TTC13: variants seen among roughly 807,000 people sequenced by gnomAD.
The protein encoded by TTC13 is tetratricopeptide repeat domain 13, also known as tetratricopeptide repeat protein 13.
TTC13 carries 62 observed loss-of-function variants against 120.0 expected under a neutral mutation model. The ratio of observed to expected loss-of-function variants is 0.52; its 90% CI spans 0.42 to 0.64. The LOEUF (loss-of-function observed/expected upper bound fraction) is 0.64. Among genes scored for constraint, TTC13 ranks in the 30% least tolerant of loss-of-function variants. The probability of loss-of-function intolerance (pLI) is 0.00; values close to 1 mark genes in which losing one functional copy is unlikely to be tolerated. For synonymous variants in TTC13, 384 were observed against 393.5 expected (o/e 0.98, Z 0.28); for missense variants, 824 against 1,050.2 (o/e 0.78, Z 2.98).
Position 230,907,036 on chromosome 1 carries a change from C to A in TTC13, c.2469-17G>T. On this transcript the variant is annotated splice_polypyrimidine_tract_variant and intron_variant, in intron 22 of 22. Coordinates refer to ENST00000366661, the MANE Select transcript of TTC13 (RefSeq NM_024525.5). The stretch of plus-strand genomic sequence containing the variant: ...GGTGAAATACTGAAAAAGAAAAACA[C>A]AAAGTAGCGGCATGAAAATTAACAA... 1 of 1,335,800 alleles carries A rather than the reference C, an allele frequency of 7.5e-7. No individual in the cohort carries two copies. Among genetic ancestry groups the A allele is most frequent in the Non-Finnish European group, 1.0e-6 (1 of 988,036 alleles). 82.7% of individuals were successfully genotyped at this position (1,335,800 alleles called of 1,614,324 possible).
intron 17 of TTC13, among the ~76,000 whole-genome samples, chr1:230,918,640 A>G (rs1373017934): frequency 6.6e-6 from 1 of 152,328 alleles, no homozygotes; most frequent in East Asian, 1.9e-4. Context: ...GTGTTAGTGC[A>G]TCAGACCCTC....
At chr1:230,933,990 AAG>A in intron 8 of TTC13, 129 bp from the exon 9 acceptor site, 2 of 512,252 alleles carry the variant, frequency 3.9e-6, no homozygotes, top group Non-Finnish European at 6.7e-6. Context: ...ACTTTTAAAA[AAG>A]AGAGGCAGAA....
chr1:230,939,660 C>G (rs1674374857), intron 7 of TTC13, among the ~76,000 whole-genome samples, 164 bp from the exon 8 acceptor site: 2 of 152,150 alleles, frequency 1.3e-5, no homozygotes, highest in Admixed American at 6.5e-5. Flanking sequence ...AGTGCTTATA[C>G]TACTCATTCA....
chr1:230,917,345 G>A (rs1672129837), intron 17 of TTC13, among the ~76,000 whole-genome samples: 1 of 152,180 alleles, frequency 6.6e-6, no homozygotes, highest in Non-Finnish European at 1.5e-5. Context: ...AGCCAGCAGG[G>A]AAGCCGCAGA....
chr1:230,961,136 G>T, intron 2 of TTC13, 73 bp downstream of exon 2: 2 of 1,192,296 alleles, frequency 1.7e-6, no homozygotes, highest in South Asian at 2.6e-5. Flanking sequence ...TGACAGAGGC[G>T]ACTTCCACTT....
At chr1:230,956,442 C>T in intron 3 of TTC13, 1 of 227,708 alleles carries the variant, frequency 4.4e-6, no homozygotes, top group Non-Finnish European at 9.0e-6. Flanking sequence ...TCGTGGGGAC[C>T]TCAGTCACTT....
intron 1 of TTC13, among the ~76,000 whole-genome samples, chr1:230,972,844 A>C (rs1416402483): frequency 6.6e-6 from 1 of 152,256 alleles, no homozygotes; most frequent in East Asian, 1.9e-4. Context: ...GGCTTATGCT[A>C]TAAAATGCTA....
rs945509727 is a variant in TTC13 at position 230,906,319 on chromosome 1, C to G, written c.*586G>C. The G allele has an allele frequency of 1.3e-5, 2 of 151,978 alleles. No homozygotes were observed. Among genetic ancestry groups the G allele is most frequent in the Non-Finnish European group, 2.9e-5 (2 of 67,982 alleles). The allele number at this position is 151,978 out of a possible 1,614,324, so 9.4% of individuals were successfully genotyped here. A position where few individuals can be genotyped will look rare whatever the true frequency, so the allele number is the denominator to read the frequency against. ...CAACAAAGGAAAAAAAAACATGGTTCAATAATTCAGCATTTGGGACTCTGG... is the reference window on the plus strand; with the variant it reads ...CAACAAAGGAAAAAAAAACATGGTTGAATAATTCAGCATTTGGGACTCTGG... On this transcript the variant is annotated 3_prime_UTR_variant, in exon 23 of 23. Coordinates refer to ENST00000366661, the MANE Select transcript of TTC13 (RefSeq NM_024525.5).
intron 13 of TTC13, 89 bp downstream of exon 13, chr1:230,925,428 A>G: frequency 7.1e-7 from 1 of 1,415,584 alleles, no homozygotes; most frequent in Non-Finnish European, 9.8e-7. Context: ...AGCACAATAA[A>G]TACTAATTTA....
rs1674438386 is a variant in TTC13, at chr1:230,940,523, C to T, written c.706G>A (p.Val236Met). The part of the protein sequence containing the change: ...LSPLGRINEA[V>M]NDLTKAIQLQ... ...TGGATAGCTTTAGTGAGGTCATTCA[C>T]TGCTTCATTAATTCGTCCCAGAGGG... The change falls in exon 7 of 23, where the codon GTG becomes ATG. Residue 236 changes from valine (V) to methionine (M), a missense_variant. By Grantham distance (21) the Val-to-Met change is conservative. This residue lies in a region of TTC13 where 430 missense variants were observed against 626.8 expected (regional missense o/e 0.69). Coordinates refer to ENST00000366661, the MANE Select transcript of TTC13 (RefSeq NM_024525.5). This position sits in a 1 kb window ranked among gnomAD's most constrained non-coding sequence, Gnocchi z 4.1. The T allele has an allele frequency of 6.2e-7, 1 of 1,613,408 alleles. No homozygotes were observed. Among genetic ancestry groups the T allele is most frequent in the Non-Finnish European group, 8.5e-7 (1 of 1,179,726 alleles).
chr1:230,955,216 C>T (rs1193084507), intron 3 of TTC13, among the ~76,000 whole-genome samples: 1 of 152,182 alleles, frequency 6.6e-6, no homozygotes, highest in Non-Finnish European at 1.5e-5. Context: ...TTTTATTCCT[C>T]ACTCAACATC....
At position 230,928,979 on chromosome 1, in the gene TTC13, A is replaced by G. The variant is rs766908175; in HGVS notation, c.1415T>C (p.Ile472Thr). ...DHWAKNLPFL[I>T]EDYEEQPGLQ... ...CCCTGGCTGCTCTTCGTAGTCTTCT[A>G]TGAGGAAAGGCAAATTTTTAGCCCA... is the stretch of plus-strand genomic sequence containing the variant. Residue 472 changes from isoleucine (I) to threonine (T), a missense_variant, in exon 12 of 23, where the codon ATA (isoleucine) becomes ACA (threonine). Ile to Thr is a moderately conservative substitution (Grantham distance 89). This residue lies in a region of TTC13 where 430 missense variants were observed against 626.8 expected (regional missense o/e 0.69). Transcript: ENST00000366661. The G allele has an allele frequency of 6.2e-7, 1 of 1,614,162 alleles. No individual in the cohort carries two copies. The highest frequency in any genetic ancestry group is 2.2e-5 in the East Asian group (1 of 44,870).
chr1:230,965,062 T>TCTGGGCAAAGATCTCTTGAGTAACA (rs1438680562), intron 1 of TTC13, among the ~76,000 whole-genome samples: 2 of 152,202 alleles, frequency 1.3e-5, no homozygotes, highest in Non-Finnish European at 2.9e-5. Context: ...ATGATATTCA[T>TCTGGGCAAAGATCTCTTGAGTAACA]CTGGGCAAAG....
At chr1:230,913,969 G>C (rs1671763584) in intron 18 of TTC13, among the ~76,000 whole-genome samples, 1 of 152,188 alleles carries the variant, frequency 6.6e-6, no homozygotes, top group South Asian at 2.1e-4. Context: ...GCAATGGCTG[G>C]GTATGGAGAG....
chr1:230,944,846 A>G lies in TTC13; in HGVS notation c.579+543T>C, dbSNP rs1348869536. 6.6e-6 allele frequency among the ~76,000 whole-genome samples: 1 copy of G among 152,170 alleles called. No homozygotes were observed. Among genetic ancestry groups the G allele is most frequent in the Non-Finnish European group, 1.5e-5 (1 of 68,036 alleles). The stretch of plus-strand genomic sequence containing the variant: ...AACTTACACCATTTCGTGATTTACT[A>G]TATAATTTCAGGAGTCTTCATTTTT... On this transcript the variant is annotated intron_variant, in intron 5 of 22. Coordinates refer to ENST00000366661, the MANE Select transcript of TTC13 (RefSeq NM_024525.5). This position sits in a 1 kb window ranked among gnomAD's most constrained non-coding sequence, Gnocchi z 4.0.
intron 1 of TTC13, among the ~76,000 whole-genome samples, chr1:230,971,935 C>A (rs1253386281): frequency 6.6e-6 from 1 of 152,132 alleles, no homozygotes; most frequent in African/African-American, 2.4e-5. Flanking sequence ...TCTCATAAGC[C>A]CACACATACT....
At chr1:230,947,608 T>C (rs1187977054) in intron 4 of TTC13, among the ~76,000 whole-genome samples, 1 of 152,048 alleles carries the variant, frequency 6.6e-6, no homozygotes, top group African/African-American at 2.4e-5. Flanking sequence ...TACAAAGCTG[T>C]GTTGAGCCAC....
chr1:230,906,717 C>T lies in TTC13; in HGVS notation c.*188G>A, dbSNP rs927409649. 3 of 328,502 alleles carry T rather than the reference C, an allele frequency of 9.1e-6. No homozygotes were observed. Among genetic ancestry groups the T allele is most frequent in the Non-Finnish European group, 1.7e-5 (3 of 178,190 alleles). The allele number at this position is 328,502 out of a possible 1,614,324, so 20.3% of individuals were successfully genotyped here. A position where few individuals can be genotyped will look rare whatever the true frequency, so the allele number is the denominator to read the frequency against. On this transcript the variant is annotated 3_prime_UTR_variant, in exon 23 of 23. Coordinates refer to ENST00000366661, the MANE Select transcript of TTC13 (RefSeq NM_024525.5). ...TCCAAGTCAAGTAGCTTTTTCCCCC[C>T]GAAAGCCTCTTTCATGATTTTCATT...
At position 230,940,468 on chromosome 1, in the gene TTC13, TG is replaced by T; in HGVS notation, c.760del (p.His254IlefsTer23). The T allele has an allele frequency of 6.2e-7, 1 of 1,613,162 alleles. No homozygotes were observed. Among genetic ancestry groups the T allele is most frequent in the Non-Finnish European group, 8.5e-7 (1 of 1,179,186 alleles). ...QLQPSARLYR[H>X]RGTLYFISED... The stretch of plus-strand genomic sequence containing the variant: ...TGATATGAAGTACAGGGTTCCCCGA[TG>T]TCTGTACAGCCGTGCTGAGGGCTGC... On this transcript the variant is annotated frameshift_variant, in exon 7 of 23. Transcript: ENST00000366661. LOFTEE classifies it high-confidence loss of function. The surrounding 1 kb of genome is among the most constrained non-coding windows in gnomAD (Gnocchi z 4.1).
Sources: allele counts gnomAD v4.1 joint callset (sites outside exome capture counted in the v4.1 genomes callset), GRCh38; gene constraint gnomAD v4.1.1; regional missense constraint gnomAD v4.1.1; non-coding constraint Gnocchi (gnomAD v3.1); transcripts MANE v1.5; gene names NCBI Gene and HGNC (gene_info 2026-07-23, HGNC 2026-07-21).